CAMKMT: variants seen among roughly 807,000 people sequenced by gnomAD.
The protein encoded by CAMKMT is CaM KMT.
In CAMKMT, 53 loss-of-function variants were observed where a neutral mutation model predicts 48.0. The observed-to-expected ratio is 1.10, with a 90% CI of 0.89 to 1.39. The LOEUF is 1.39. Ranked by LOEUF, CAMKMT falls within the 40% of genes most tolerant of loss-of-function variation. CAMKMT has a pLI of 0.00. For missense variants in CAMKMT, 428 were observed against 402.7 expected (o/e 1.06, Z -0.54); for synonymous variants, 165 against 152.3 (o/e 1.08, Z -0.61).
At chr2:44,736,504 A>G (rs1256824502) in intron 7 of CAMKMT, among the ~76,000 whole-genome samples, 1 of 151,780 alleles carries the variant, frequency 6.6e-6, no homozygotes, top group Non-Finnish European at 1.5e-5. Flanking sequence ...AGTTTTCTTC[A>G]TGTTTCTTGT....
intron 3 of CAMKMT, among the ~76,000 whole-genome samples, chr2:44,542,185 C>G (rs542726972): frequency 6.6e-6 from 1 of 151,212 alleles, no homozygotes; most frequent in South Asian, 2.1e-4. Flanking sequence ...CAGCTCAAAT[C>G]TAAGTCTTCC....
rs1182813715 is a variant in CAMKMT at position 44,534,146 on chromosome 2, A to G, written c.376+143841A>G. 2.6e-5 allele frequency among the ~76,000 whole-genome samples: 4 copies of G among 152,362 alleles called. No individual in the cohort carries two copies. The East Asian group carries it at 7.7e-4, about 29-fold the overall frequency. On this transcript the variant is annotated intron_variant, in intron 3 of 10. Transcript: ENST00000378494. Reference sequence around the variant, plus strand: ...CACAAAGAAAAGTTATATAATGACAAAGGAATCACTTCAGCAAGAGGATAT... The same window carrying G: ...CACAAAGAAAAGTTATATAATGACAGAGGAATCACTTCAGCAAGAGGATAT...
chr2:44,500,195 C>T (rs1572657093), intron 3 of CAMKMT, among the ~76,000 whole-genome samples: 2 of 152,088 alleles, frequency 1.3e-5, no homozygotes, highest in South Asian at 4.1e-4. Context: ...ATCTAGTTCT[C>T]ACTAGGGTTT....
chr2:44,426,900 C>G (rs2104524966), intron 3 of CAMKMT, among the ~76,000 whole-genome samples: 1 of 152,264 alleles, frequency 6.6e-6, no homozygotes, highest in Middle Eastern at 3.4e-3. Context: ...CCAGAGGCAT[C>G]ACATTACACA....
intron 3 of CAMKMT, among the ~76,000 whole-genome samples, chr2:44,527,931 T>G (rs1666252678): frequency 6.6e-6 from 1 of 152,058 alleles, no homozygotes; most frequent in South Asian, 2.1e-4. Flanking sequence ...GACAAATGTA[T>G]AAATGACATG....
intron 3 of CAMKMT, among the ~76,000 whole-genome samples, chr2:44,558,499 A>G (rs1293755611): frequency 6.6e-6 from 1 of 152,196 alleles, no homozygotes; most frequent in East Asian, 1.9e-4. Flanking sequence ...GCAGAAGTCT[A>G]TCTTCAATAG....
intron 3 of CAMKMT, among the ~76,000 whole-genome samples, chr2:44,539,575 A>G (rs184081693): frequency 2.0e-5 from 3 of 152,036 alleles, no homozygotes; most frequent in Admixed American, 6.5e-5. Context: ...CTTTATAGCT[A>G]TTTTTCTTAT....
At position 44,653,379 on chromosome 2, in the gene CAMKMT, C is replaced by T. The variant is rs1474553890; in HGVS notation, c.377-50904C>T. The stretch of plus-strand genomic sequence containing the variant: ...GAGAAGTAAGCTGAAGTGCCATTTG[C>T]TGTAAAAATCAACCAAAAGAGAATC... On this transcript the variant is annotated intron_variant, in intron 3 of 10. Transcript: ENST00000378494. The surrounding 1 kb of genome is among the most constrained non-coding windows in gnomAD (Gnocchi z 5.2). Among the ~76,000 whole-genome samples the T allele has an allele frequency of 6.6e-6, 1 of 152,132 alleles. No individual in the cohort carries two copies. Among genetic ancestry groups the T allele is most frequent in the Non-Finnish European group, 1.5e-5 (1 of 68,026 alleles).
intron 3 of CAMKMT, among the ~76,000 whole-genome samples, chr2:44,683,676 A>G (rs1676151683): frequency 6.6e-6 from 1 of 151,944 alleles, no homozygotes; most frequent in Non-Finnish European, 1.5e-5. Flanking sequence ...CAAAAAAATT[A>G]GGCGGGCGTG....
At chr2:44,370,144 T>G (rs1679009218) in intron 1 of CAMKMT, 1 of 152,256 alleles carries the variant, frequency 6.6e-6, no homozygotes, top group Non-Finnish European at 1.5e-5. Context: ...CTCTCTGACG[T>G]TGGGCAAATT....
chr2:44,739,718 T>C (rs1679566599), intron 7 of CAMKMT, among the ~76,000 whole-genome samples: 1 of 152,148 alleles, frequency 6.6e-6, no homozygotes, highest in Non-Finnish European at 1.5e-5. Flanking sequence ...AAAGCCTGGC[T>C]GGAGTGAATT....
intron 2 of CAMKMT, 89 bp from the exon 3 acceptor site, chr2:44,390,143 GGGTATACCA>G (rs1238410047): frequency 2.5e-6 from 2 of 799,766 alleles, no homozygotes; most frequent in East Asian, 5.1e-5. Context: ...TATTGCTATT[GGGTATACCA>G]TAATATACAG....
intron 3 of CAMKMT, among the ~76,000 whole-genome samples, chr2:44,459,040 G>A (rs544002724): frequency 5.9e-5 from 9 of 151,850 alleles, no homozygotes; most frequent in Admixed American, 3.3e-4. Context: ...TGAGTTTTAG[G>A]TACACTAACT....
chr2:44,390,182 G>T (rs1241446764), intron 2 of CAMKMT, 59 bp from the exon 3 acceptor site: 8 of 1,363,478 alleles, frequency 5.9e-6, no homozygotes, highest in Admixed American at 3.8e-5. Flanking sequence ...CAGCTTTTTT[G>T]AATACTAAAA....
intron 3 of CAMKMT, among the ~76,000 whole-genome samples, chr2:44,542,379 A>G (rs1270583612): frequency 6.6e-6 from 1 of 152,118 alleles, no homozygotes; most frequent in East Asian, 1.9e-4. Context: ...AGATATTTCC[A>G]TGCATAAACA....
chr2:44,380,865 A>G (rs1438084116), intron 2 of CAMKMT, among the ~76,000 whole-genome samples: 1 of 152,172 alleles, frequency 6.6e-6, no homozygotes, highest in Non-Finnish European at 1.5e-5. Flanking sequence ...TGTTTCTTTA[A>G]GAAATAATGC....
chr2:44,404,620 A>C (rs1376007797), intron 3 of CAMKMT, among the ~76,000 whole-genome samples: 1 of 152,100 alleles, frequency 6.6e-6, no homozygotes, highest in Non-Finnish European at 1.5e-5. Context: ...CAATCCCTTA[A>C]GTACTTTTCC....
At chr2:44,577,168 A>T (rs1402911353) in intron 3 of CAMKMT, among the ~76,000 whole-genome samples, 1 of 152,234 alleles carries the variant, frequency 6.6e-6, no homozygotes, top group Non-Finnish European at 1.5e-5. Flanking sequence ...GGTTATAAAG[A>T]CAAAGGTGAT....
intron 3 of CAMKMT, among the ~76,000 whole-genome samples, chr2:44,631,180 A>T (rs945737874): frequency 3.9e-5 from 6 of 152,120 alleles, no homozygotes; most frequent in African/African-American, 1.4e-4. Context: ...TCTCACTCAT[A>T]GGTGGGAACT....
Sources: gnomAD v4.1 joint callset for allele counts (sites outside exome capture counted in the v4.1 genomes callset) on GRCh38, gnomAD v4.1.1 for gene constraint, Gnocchi (gnomAD v3.1) non-coding constraint, MANE v1.5 for transcripts, NCBI Gene and HGNC (gene_info 2026-07-23, HGNC 2026-07-21) for gene names.